TAOK1: variants seen among roughly 807,000 people sequenced by gnomAD.
TAOK1 encodes the protein TAO kinase 1, also known as serine/threonine-protein kinase TAO1.
In TAOK1, 21 loss-of-function variants were observed where a neutral mutation model predicts 138.3. The ratio of observed to expected loss-of-function variants is 0.15; its 90% confidence interval spans 0.11 to 0.22. The LOEUF (loss-of-function observed/expected upper bound fraction) is 0.22, where lower values mean the gene tolerates loss of function less well. Among genes scored for constraint, TAOK1 ranks in the 10% least tolerant of loss-of-function variants. The pLI, the probability that TAOK1 is intolerant of heterozygous loss-of-function variation, is 1.00. For synonymous variants in TAOK1, 361 were observed against 398.4 expected (o/e 0.91, Z 1.12); for missense variants, 651 against 1,227.7 (o/e 0.53, Z 7.02).
In TAOK1 at chr17:29,452,245, T is replaced by C. The variant is rs1567722174; in HGVS notation, c.132+565T>C. Among the ~76,000 whole-genome samples, 20 of 152,074 alleles carry C rather than the reference T, an allele frequency of 1.3e-4. 1 individual carries two copies. Among genetic ancestry groups the C allele is most frequent in the South Asian group, 2.1e-4 (1 of 4,816 alleles). ...ATAAATAAATAAATAAATAAATAAA[T>C]AAACAAATGAAAGAAAGAAAAAGAA... On this transcript the variant is annotated intron_variant, in intron 2 of 19. Coordinates refer to ENST00000261716, the MANE Select transcript of TAOK1 (RefSeq NM_020791.4).
chr17:29,485,621 A>G (rs2031156252), intron 8 of TAOK1, among the ~76,000 whole-genome samples: 1 of 152,084 alleles, frequency 6.6e-6, no homozygotes, highest in African/African-American at 2.4e-5. Flanking sequence ...CCTGAGTGAT[A>G]GAGTGAGGCC....
chr17:29,543,165 C>T lies in TAOK1; in HGVS notation c.*143C>T, dbSNP rs866054805. ...GTATATTTTATTCATTTTTGTAAAG[C>T]GTTCTGTTTTGTGTTTACTAATTGG... On this transcript the variant is annotated 3_prime_UTR_variant, in exon 20 of 20. Transcript: ENST00000261716. The T allele has an allele frequency of 8.0e-6, 6 of 753,202 alleles. No individual in the cohort carries two copies. Among genetic ancestry groups the T allele is most frequent in the Middle Eastern group, 2.9e-4 (1 of 3,500 alleles). 46.7% of individuals were successfully genotyped at this position (753,202 alleles called of 1,614,324 possible).
At chr17:29,426,452 AG>A (rs1905643889) in intron 1 of TAOK1, among the ~76,000 whole-genome samples, 1 of 152,204 alleles carries the variant, frequency 6.6e-6, no homozygotes. Flanking sequence ...GTAGTCTGGG[AG>A]GACATCTAGG....
At chr17:29,481,465 C>G (rs1247879962) in intron 7 of TAOK1, among the ~76,000 whole-genome samples, 1 of 151,648 alleles carries the variant, frequency 6.6e-6, no homozygotes, top group African/African-American at 2.4e-5. Flanking sequence ...GCTGGGATTA[C>G]AGGCGTGAAC....
chr17:29,530,877 A>G lies in TAOK1; in HGVS notation c.2361+258A>G, dbSNP rs1268553895. The G allele has an allele frequency of 1.1e-5, 5 of 473,714 alleles. No homozygotes were observed. In the East Asian group the frequency reaches 1.5e-4, roughly 14 times the overall value. The allele number at this position is 473,714 out of a possible 1,614,324, so 29.3% of individuals were successfully genotyped here. On this transcript the variant is annotated intron_variant, in intron 18 of 19. Transcript: ENST00000261716. ...GCACAGATCCTAACACCTTATTGAGATTAGAATAGCAGCTTTGGGAAGCAG... is the reference window on the plus strand; with the variant it reads ...GCACAGATCCTAACACCTTATTGAGGTTAGAATAGCAGCTTTGGGAAGCAG...
chr17:29,465,550 A>G (rs2030641474), intron 2 of TAOK1, among the ~76,000 whole-genome samples: 2 of 152,034 alleles, frequency 1.3e-5, no homozygotes, highest in Non-Finnish European at 2.9e-5. Context: ...TACATACCAG[A>G]GGTCTACCAG....
intron 18 of TAOK1, among the ~76,000 whole-genome samples, chr17:29,533,443 G>A (rs1212344487): frequency 6.6e-6 from 1 of 152,024 alleles, no homozygotes; most frequent in Non-Finnish European, 1.5e-5. Flanking sequence ...TGGGGTGGCG[G>A]CCGGGCAGAG....
chr17:29,494,345 C>T (rs910408645), intron 10 of TAOK1, among the ~76,000 whole-genome samples: 1 of 151,738 alleles, frequency 6.6e-6, no homozygotes, highest in Non-Finnish European at 1.5e-5. Flanking sequence ...CCCCCCACCC[C>T]CCAAAAAATA....
intron 16 of TAOK1, among the ~76,000 whole-genome samples, chr17:29,520,156 G>C (rs1041563877): frequency 1.3e-5 from 2 of 150,630 alleles, no homozygotes; most frequent in African/African-American, 2.4e-5. Flanking sequence ...ACTCCAGCCT[G>C]GGCGACAGAG....
In TAOK1 at chr17:29,526,821, A is replaced by T. The variant is rs1470462176; in HGVS notation, c.2149-3586A>T. On this transcript the variant is annotated intron_variant, in intron 17 of 19. Transcript: ENST00000261716. ...CAGCATAGGGAGATCTCATCTCTTA[A>T]AAAAAAAAAAAAAAAAAAAAAAAAA... Among the ~76,000 whole-genome samples, 918 of 139,060 alleles carry T rather than the reference A, an allele frequency of 6.6e-3. 27 individuals carry two copies. The highest frequency in any genetic ancestry group is 0.023 in the African/African-American group (860 of 37,046). The allele number at this position is 139,060 out of a possible 152,430, so 91.2% of individuals were successfully genotyped here.
At chr17:29,435,680 G>C (rs904865960) in intron 1 of TAOK1, among the ~76,000 whole-genome samples, 4 of 152,170 alleles carry the variant, frequency 2.6e-5, no homozygotes, top group African/African-American at 9.7e-5. Context: ...GCTTTTGTTG[G>C]TTCTGCAAGT....
At chr17:29,477,877 A>G (rs921510953) in intron 5 of TAOK1, among the ~76,000 whole-genome samples, 171 bp downstream of exon 5, 1 of 152,142 alleles carries the variant, frequency 6.6e-6, no homozygotes, top group Admixed American at 6.5e-5. Flanking sequence ...TAAATATTAT[A>G]TGTTATACAG....
rs750397715 is a variant in TAOK1, at chr17:29,502,693, A to G, written c.1308A>G (p.Glu436=). The G allele has an allele frequency of 1.2e-6, 2 of 1,614,110 alleles. No individual in the cohort carries two copies. Among genetic ancestry groups the G allele is most frequent in the Non-Finnish European group, 1.7e-6 (2 of 1,180,018 alleles). The change falls in exon 13 of 20, where the codon GAA becomes GAG. Residue 436 remains glutamate (E), a synonymous_variant. Coordinates refer to ENST00000261716, the MANE Select transcript of TAOK1 (RefSeq NM_020791.4). ...ACAAATCACACTATCGTAATCGAGA[A>G]CACTTTGCTACTATACGGACAGCAT... ...SRHKSHYRNR[E]HFATIRTASL...
intron 13 of TAOK1, among the ~76,000 whole-genome samples, chr17:29,504,511 A>G (rs1338112593): frequency 6.6e-6 from 1 of 151,312 alleles, no homozygotes; most frequent in Non-Finnish European, 1.5e-5. Context: ...TCTACTAAAA[A>G]CTACAAAAAT....
At chr17:29,471,664 C>CATGTTG (rs1453934312) in intron 3 of TAOK1, among the ~76,000 whole-genome samples, 1 of 152,058 alleles carries the variant, frequency 6.6e-6, no homozygotes, top group Non-Finnish European at 1.5e-5. Context: ...ATCTTGCTTC[C>CATGTTG]ATGTTGATGG....
At chr17:29,540,745 T>A (rs2032302333) in intron 19 of TAOK1, among the ~76,000 whole-genome samples, 2 of 152,096 alleles carry the variant, frequency 1.3e-5, no homozygotes, top group Non-Finnish European at 2.9e-5. Flanking sequence ...TAATTTTGTA[T>A]TTTTACTAGA....
chr17:29,513,356 G>A (rs931029623), intron 15 of TAOK1: 1 of 152,008 alleles, frequency 6.6e-6, no homozygotes, highest in Non-Finnish European at 1.5e-5. Context: ...AAACTCTACT[G>A]GAAGTTTGAG....
chr17:29,495,999 T>G (rs975323951), intron 11 of TAOK1, among the ~76,000 whole-genome samples: 1 of 152,332 alleles, frequency 6.6e-6, no homozygotes, highest in African/African-American at 2.4e-5. Flanking sequence ...AATGTCATAA[T>G]GAAGGTTCTG....
At chr17:29,431,534 A>T (rs199534249) in intron 1 of TAOK1, among the ~76,000 whole-genome samples, 2 of 24,302 alleles carry the variant, frequency 8.2e-5, no homozygotes, top group East Asian at 0.17. Context: ...GCAACTCAGA[A>T]AGAAGATTGG....
Sources: gnomAD v4.1 joint callset for allele counts (sites outside exome capture counted in the v4.1 genomes callset) on GRCh38, gnomAD v4.1.1 for gene constraint, MANE v1.5 for transcripts, NCBI Gene and HGNC (gene_info 2026-07-23, HGNC 2026-07-21) for gene names.